Variants in DOCK9 observed in about 807,000 individuals in gnomAD.
DOCK9 encodes dedicator of cytokinesis protein 9.
In DOCK9, 89 loss-of-function variants were observed where a neutral mutation model predicts 263.3. The ratio of observed to expected loss-of-function variants is 0.34; its 90% confidence interval spans 0.28 to 0.40. The LOEUF is 0.40. DOCK9 is among the 10% of genes least tolerant of loss of function. DOCK9 has a pLI of 1.00. For synonymous variants in DOCK9, 976 were observed against 973.1 expected (o/e 1.00, Z -0.06); for missense variants, 2,140 against 2,603.4 (o/e 0.82, Z 3.87).
rs58434344 is a variant in DOCK9, at chr13:98,887,143, ATTTTT to A, written c.2044-524_2044-520del. ...CTATATTTTATATATATATATATAT[ATTTTT>A]TTTTTTTTTTTTTTTTTTTGCATCT... On this transcript the variant is annotated intron_variant, in intron 18 of 52. Coordinates refer to ENST00000682017, the MANE Select transcript of DOCK9 (RefSeq NM_001366683.2). Among the ~76,000 whole-genome samples the A allele has an allele frequency of 6.3e-5, 6 of 95,254 alleles. 1 individual carries two copies. Among genetic ancestry groups the A allele is most frequent in the East Asian group, 4.3e-4 (1 of 2,304 alleles). The allele number at this position is 95,254 out of a possible 152,430, so 62.5% of individuals were successfully genotyped here.
chr13:98,856,333 A>G, intron 33 of DOCK9: 1 of 221,678 alleles, frequency 4.5e-6, no homozygotes, highest in South Asian at 1.1e-4. Context: ...TAAAAAAATT[A>G]AAAGATAAAT....
chr13:98,953,764 G>A (rs1391638965), intron 2 of DOCK9, among the ~76,000 whole-genome samples: 7 of 152,184 alleles, frequency 4.6e-5, no homozygotes, highest in Non-Finnish European at 7.3e-5. Flanking sequence ...TTATTAGTCC[G>A]TTCCCATGCA....
intron 27 of DOCK9, among the ~76,000 whole-genome samples, chr13:98,878,731 C>G (rs531393451): frequency 1.9e-4 from 29 of 152,266 alleles, no homozygotes; most frequent in African/African-American, 5.5e-4. Flanking sequence ...AAGAGAGAGA[C>G]AGAAAAAAGA....
chr13:98,941,775 AG>A (rs1343463128), intron 2 of DOCK9, among the ~76,000 whole-genome samples: 1 of 152,168 alleles, frequency 6.6e-6, no homozygotes, highest in African/African-American at 2.4e-5. Flanking sequence ...AACTAAAAAC[AG>A]CCTCCTCAAA....
chr13:98,979,574 T>C (rs1876588781), upstream of DOCK9, among the ~76,000 whole-genome samples: 1 of 152,134 alleles, frequency 6.6e-6, no homozygotes, highest in African/African-American at 2.4e-5. Flanking sequence ...TATGTAACGA[T>C]CTCAAAGGAT....
intron 1 of DOCK9, among the ~76,000 whole-genome samples, chr13:99,034,341 G>A (rs1887641462): frequency 6.6e-6 from 1 of 152,176 alleles, no homozygotes. Flanking sequence ...ACTCCAAACT[G>A]AAGCTGAAGC....
intron 2 of DOCK9, among the ~76,000 whole-genome samples, chr13:98,943,172 C>T (rs2056214184): frequency 6.6e-6 from 1 of 152,262 alleles, no homozygotes; most frequent in African/African-American, 2.4e-5. Context: ...CATCCAGAGC[C>T]TTACTTCAAA....
intron 2 of DOCK9, among the ~76,000 whole-genome samples, chr13:98,943,340 G>T (rs1322252992): frequency 1.3e-5 from 2 of 152,198 alleles, no homozygotes; most frequent in Non-Finnish European, 2.9e-5. Flanking sequence ...ACCCATGTGG[G>T]ACACACTCAA....
intron 1 of DOCK9, among the ~76,000 whole-genome samples, chr13:99,010,740 C>G (rs2061832844): frequency 6.6e-6 from 1 of 152,220 alleles, no homozygotes; most frequent in African/African-American, 2.4e-5. Context: ...TAGCGCCCAC[C>G]ATATGGCTGA....
Position 98,863,526 on chromosome 13 carries a change from T to A in DOCK9, c.3309A>T (p.Leu1103Phe). ...AGTGGTTTCTGCAGAACTCATCTGTTAATGAGTAGTCAAGCTGGAGGTCTG... is the reference window on the plus strand; with the variant it reads ...AGTGGTTTCTGCAGAACTCATCTGTAAATGAGTAGTCAAGCTGGAGGTCTG... ...RYQDLQLDYS[L>F]TDEFCRNHFL... The change falls in exon 31 of 53, where the codon TTA becomes TTT. Residue 1103 changes from leucine (L) to phenylalanine (F), a missense_variant. Coordinates refer to ENST00000682017, the MANE Select transcript of DOCK9 (RefSeq NM_001366683.2). The A allele has an allele frequency of 6.2e-7, 1 of 1,612,164 alleles. No individual in the cohort carries two copies. Among genetic ancestry groups the A allele is most frequent in the South Asian group, 1.1e-5 (1 of 90,896 alleles).
intron 1 of DOCK9, among the ~76,000 whole-genome samples, chr13:99,076,132 C>A (rs2041901129): frequency 6.6e-6 from 1 of 152,074 alleles, no homozygotes; most frequent in East Asian, 1.9e-4. Flanking sequence ...GATAAATTCA[C>A]TGATAAGGAG....
intron 15 of DOCK9, among the ~76,000 whole-genome samples, chr13:98,895,539 C>T (rs1206072649): frequency 6.6e-6 from 1 of 151,244 alleles, no homozygotes; most frequent in Non-Finnish European, 1.5e-5. Context: ...GTGGTGGGCG[C>T]CTATAGTCCC....
chr13:98,953,537 T>C (rs991517843), intron 2 of DOCK9, among the ~76,000 whole-genome samples: 3 of 152,240 alleles, frequency 2.0e-5, no homozygotes, highest in Non-Finnish European at 4.4e-5. Flanking sequence ...AAATAGAATT[T>C]TTCATTCTAG....
At chr13:98,840,616 A>G (rs1356812876) in intron 38 of DOCK9, among the ~76,000 whole-genome samples, 1 of 152,186 alleles carries the variant, frequency 6.6e-6, no homozygotes, top group Non-Finnish European at 1.5e-5. Context: ...ATGCTGACAC[A>G]TCGGCGAACC....
intron 1 of DOCK9, among the ~76,000 whole-genome samples, chr13:99,052,187 C>T (rs2040728464): frequency 6.6e-6 from 1 of 152,222 alleles, no homozygotes; most frequent in East Asian, 1.9e-4. Context: ...CCTAGGGAAA[C>T]ATGAAGGCCC....
intron 1 of DOCK9, among the ~76,000 whole-genome samples, chr13:99,065,326 C>T (rs1432456910): frequency 6.6e-6 from 1 of 152,144 alleles, no homozygotes; most frequent in Non-Finnish European, 1.5e-5. Context: ...TCCTGAGTAA[C>T]ACCTCAACCC....
chr13:98,868,475 A>G (rs1811513805), intron 27 of DOCK9, 98 bp from the exon 28 acceptor site: 2 of 1,350,472 alleles, frequency 1.5e-6, no homozygotes, highest in Non-Finnish European at 2.0e-6. Context: ...AAAAACCCAG[A>G]GTTTCTAGCT....
At chr13:98,938,058 C>A (rs1289059581) in intron 2 of DOCK9, among the ~76,000 whole-genome samples, 2 of 152,154 alleles carry the variant, frequency 1.3e-5, no homozygotes, top group Non-Finnish European at 2.9e-5. Context: ...GCTCTCTCTG[C>A]AGCTTAAATG....
At chr13:98,862,115 C>G (rs2093889632) in intron 32 of DOCK9, among the ~76,000 whole-genome samples, 1 of 152,086 alleles carries the variant, frequency 6.6e-6, no homozygotes, top group African/African-American at 2.4e-5. Context: ...ATTGGTTCAT[C>G]ACGAGAACAT....
Sources: allele counts gnomAD v4.1 joint callset (sites outside exome capture counted in the v4.1 genomes callset), GRCh38; gene constraint gnomAD v4.1.1; transcripts MANE v1.5; gene names NCBI Gene and HGNC (gene_info 2026-07-23, HGNC 2026-07-21).